Variants in RBL1 observed in about 807,000 individuals in gnomAD.
RBL1 encodes the protein retinoblastoma-like protein 1.
In RBL1, 82 loss-of-function variants were observed where a neutral mutation model predicts 123.0. The observed-to-expected ratio is 0.67, with a 90% CI of 0.56 to 0.80. The LOEUF is 0.80. Among genes scored for constraint, RBL1 ranks in the 30% least tolerant of loss-of-function variants. The pLI is 0.00. For synonymous variants in RBL1, 405 were observed against 441.3 expected, an observed-to-expected ratio of 0.92 and a Z score of 1.03; for missense variants, 1,171 against 1,299.6, an observed-to-expected ratio of 0.90 and a Z score of 1.52.
chr20:37,003,645 G>A, intron 21 of RBL1, 57 bp downstream of exon 21: 2 of 1,479,272 alleles, frequency 1.4e-6, no homozygotes, highest in Non-Finnish European at 1.8e-6. Context: ...AAAAGAGGCA[G>A]GATTAACAGT....
Position 37,044,166 on chromosome 20 carries a change from C to T in RBL1, c.1690G>A (p.Glu564Lys). Residue 564 changes from glutamate to lysine, a missense_variant, in exon 13 of 22, where the codon GAG becomes AAG. Coordinates refer to ENST00000373664, the MANE Select transcript of RBL1 (RefSeq NM_002895.5). The stretch of plus-strand genomic sequence containing the variant: ...GAATCGTGACTCCATGCTAAACTCT[C>T]CAAAATCTGTTCTTCAATGCTGTTT... ...HLNSIEEQIL[E>K]SLAWSHDSAL... The T allele has an allele frequency of 6.2e-7, 1 of 1,613,590 alleles. No homozygotes were observed. The highest frequency in any genetic ancestry group is 8.5e-7 in the Non-Finnish European group (1 of 1,179,850).
intron 7 of RBL1, among the ~76,000 whole-genome samples, chr20:37,065,088 C>T (rs1308194762): frequency 1.3e-5 from 2 of 152,034 alleles, no homozygotes; most frequent in African/African-American, 4.8e-5. Context: ...CACACCACTA[C>T]GTCTGGCTGA....
chr20:37,015,879 C>T (rs1446640783), intron 19 of RBL1, among the ~76,000 whole-genome samples: 1 of 151,650 alleles, frequency 6.6e-6, no homozygotes, highest in African/African-American at 2.4e-5. Flanking sequence ...GTGTCTGCCA[C>T]TGCACCTGGT....
intron 13 of RBL1, among the ~76,000 whole-genome samples, chr20:37,040,697 T>C (rs1237644085): frequency 6.6e-6 from 1 of 152,234 alleles, no homozygotes; most frequent in African/African-American, 2.4e-5. Flanking sequence ...TATTTCTTTC[T>C]CACTTCTTCA....
chr20:37,000,873 AG>A (rs2063963715), intron 21 of RBL1, among the ~76,000 whole-genome samples: 1 of 138,098 alleles, frequency 7.2e-6, no homozygotes, highest in Non-Finnish European at 1.6e-5. Context: ...CTGCCCGGCC[AG>A]CCGCCCCGTC....
intron 11 of RBL1, chr20:37,049,344 C>G: frequency 1.5e-6 from 1 of 680,974 alleles, no homozygotes; most frequent in East Asian, 2.5e-5. Flanking sequence ...GACCAAGATC[C>G]AGGATAAGGA....
intron 21 of RBL1, among the ~76,000 whole-genome samples, chr20:37,001,169 A>AG (rs2063972875): frequency 1.4e-5 from 2 of 147,876 alleles, no homozygotes; most frequent in Non-Finnish European, 3.0e-5. Context: ...CCGGGAGGTG[A>AG]GGGGCGCCTC....
chr20:37,006,157 C>T (rs1240867041), intron 20 of RBL1, among the ~76,000 whole-genome samples: 1 of 151,570 alleles, frequency 6.6e-6, no homozygotes, highest in Non-Finnish European at 1.5e-5. Flanking sequence ...GGCTTAGCTT[C>T]CCAAAGTGCT....
At chr20:37,022,987 T>C (rs2064367308) in intron 16 of RBL1, among the ~76,000 whole-genome samples, 161 bp from the exon 17 acceptor site, 1 of 152,214 alleles carries the variant, frequency 6.6e-6, no homozygotes, top group South Asian at 2.1e-4. Context: ...GGCAGGAGGA[T>C]ATAGATTAAA....
chr20:37,041,230 CAAAA>C (rs912760566), intron 13 of RBL1, among the ~76,000 whole-genome samples: 64 of 151,780 alleles, frequency 4.2e-4, no homozygotes, highest in Non-Finnish European at 4.4e-5. Context: ...CAGAAGTAGA[CAAAA>C]AAAACCCCAC....
At position 37,035,517 on chromosome 20, in the gene RBL1, AAAT is replaced by A; in HGVS notation, c.1904-12_1904-10del. 6.5e-7 allele frequency: 1 copy of A among 1,536,336 alleles called. No homozygotes were observed. The highest frequency in any genetic ancestry group is 1.2e-5 in the South Asian group (1 of 80,604). On this transcript the variant is annotated splice_polypyrimidine_tract_variant and intron_variant, in intron 14 of 21. Transcript: ENST00000373664. Reference sequence around the variant, plus strand: ...AGACAATGGTTGCATATCTAAAAAAAAATAATAAATTTAAAACAGAAATGTATT... The same window carrying A: ...AGACAATGGTTGCATATCTAAAAAAAAATAAATTTAAAACAGAAATGTATT...
chr20:37,077,771 TCA>T (rs1300985396), intron 2 of RBL1, among the ~76,000 whole-genome samples: 2 of 148,722 alleles, frequency 1.3e-5, no homozygotes, highest in Admixed American at 6.7e-5. Flanking sequence ...CAAAAATACT[TCA>T]GTTTCTATTT....
chr20:37,095,599 A>G (rs2065722551), intron 1 of RBL1, among the ~76,000 whole-genome samples, 174 bp downstream of exon 1: 1 of 152,086 alleles, frequency 6.6e-6, no homozygotes, highest in Non-Finnish European at 1.5e-5. Flanking sequence ...CCCGCCTCAA[A>G]ATGATGGGTG....
At chr20:37,007,303 G>C (rs542902859) in intron 20 of RBL1, 108 bp downstream of exon 20, 1 of 1,179,846 alleles carries the variant, frequency 8.5e-7, no homozygotes. Context: ...GACATGCTCT[G>C]ATTAATTGCT....
chr20:37,000,505 G>A (rs1270651865), intron 21 of RBL1, among the ~76,000 whole-genome samples: 9 of 143,510 alleles, frequency 6.3e-5, no homozygotes, highest in South Asian at 4.4e-4. Flanking sequence ...CGCCCCGTCC[G>A]GGAGGTGAGG....
intron 19 of RBL1, among the ~76,000 whole-genome samples, chr20:37,012,326 T>G (rs2064165684): frequency 1.4e-5 from 2 of 142,724 alleles, no homozygotes; most frequent in Admixed American, 1.4e-4. Flanking sequence ...TGGCCGCCCA[T>G]CGTCTGGGAT....
intron 19 of RBL1, 28 bp downstream of exon 19, chr20:37,018,251 A>C (rs368821239): frequency 6.3e-7 from 1 of 1,586,834 alleles, no homozygotes. Context: ...TGTGTTTTAC[A>C]TATAATATGT....
chr20:37,046,603 T>C (rs1421190443), intron 12 of RBL1, among the ~76,000 whole-genome samples: 2 of 150,114 alleles, frequency 1.3e-5, no homozygotes, highest in Non-Finnish European at 3.0e-5. Flanking sequence ...GAGGAATATA[T>C]ATTATCTTTT....
chr20:37,059,143 T>C (rs1468254270), intron 9 of RBL1, among the ~76,000 whole-genome samples: 2 of 152,254 alleles, frequency 1.3e-5, no homozygotes, highest in Non-Finnish European at 2.9e-5. Context: ...TTATTCATGT[T>C]TGAACAGTAG....
Sources: allele counts gnomAD v4.1 joint callset (sites outside exome capture counted in the v4.1 genomes callset), GRCh38; gene constraint gnomAD v4.1.1; transcripts MANE v1.5; gene names NCBI Gene and HGNC (gene_info 2026-07-23, HGNC 2026-07-21).